ALG14: variants seen among roughly 807,000 people sequenced by gnomAD.
ALG14 encodes UDP-N-acetylglucosamine transferase subunit ALG14.
A neutral mutation model predicts 22.8 loss-of-function variants in ALG14; 17 were observed. The observed-to-expected ratio is 0.75, with a 90% confidence interval of 0.51 to 1.12. The LOEUF is 1.12. Ranked by LOEUF, ALG14 falls within the 50% of genes most tolerant of loss-of-function variation. The pLI, the probability that ALG14 is intolerant of heterozygous loss-of-function variation, is 0.00. For synonymous variants in ALG14, 89 were observed against 103.7 expected (o/e 0.86, Z 0.86); for missense variants, 288 against 271.8 (o/e 1.06, Z -0.42).
chr1:94,986,165 C>T (rs1672634219), intron 3 of ALG14, among the ~76,000 whole-genome samples: 1 of 152,192 alleles, frequency 6.6e-6, no homozygotes, highest in African/African-American at 2.4e-5. Flanking sequence ...ACTCTTCATA[C>T]TTCCATTTCT....
intron 2 of ALG14, among the ~76,000 whole-genome samples, chr1:95,049,287 C>T (rs996498123): frequency 7.9e-5 from 12 of 152,044 alleles, no homozygotes; most frequent in Non-Finnish European, 1.0e-4. Flanking sequence ...AATCCCAGCA[C>T]GTTGGGAGGT....
At chr1:95,029,211 G>T (rs1331368328) in intron 2 of ALG14, among the ~76,000 whole-genome samples, 2 of 150,582 alleles carry the variant, frequency 1.3e-5, no homozygotes, top group African/African-American at 4.9e-5. Flanking sequence ...CTCACTCAAT[G>T]GCTGGCCATT....
intron 2 of ALG14, among the ~76,000 whole-genome samples, chr1:95,035,124 T>C (rs1471010424): frequency 1.3e-5 from 2 of 152,262 alleles, no homozygotes; most frequent in East Asian, 3.8e-4. Flanking sequence ...GCTGTCCTGC[T>C]ATTGCTCCTA....
intron 3 of ALG14, among the ~76,000 whole-genome samples, chr1:95,004,383 G>A (rs1397788306): frequency 6.6e-6 from 1 of 151,782 alleles, no homozygotes; most frequent in African/African-American, 2.4e-5. Context: ...CACCATACCT[G>A]GCTAATTTTC....
intron 3 of ALG14, among the ~76,000 whole-genome samples, chr1:95,019,672 T>A (rs907419831): frequency 6.6e-6 from 1 of 152,166 alleles, no homozygotes; most frequent in Non-Finnish European, 1.5e-5. Flanking sequence ...TCAAATTGCA[T>A]GCTAACAGGT....
chr1:95,064,748 G>A (rs1675295427), intron 2 of ALG14, 118 bp downstream of exon 2: 1 of 792,708 alleles, frequency 1.3e-6, no homozygotes, highest in South Asian at 3.3e-5. Context: ...TTCATCACCA[G>A]CAAACATTTG....
chr1:95,063,354 T>C (rs1026910099), intron 2 of ALG14, among the ~76,000 whole-genome samples: 1 of 152,236 alleles, frequency 6.6e-6, no homozygotes, highest in Non-Finnish European at 1.5e-5. Context: ...ATTTTCATCA[T>C]AAAATCTTTG....
At chr1:95,031,551 C>T (rs1188922379) in intron 2 of ALG14, among the ~76,000 whole-genome samples, 1 of 152,124 alleles carries the variant, frequency 6.6e-6, no homozygotes, top group Non-Finnish European at 1.5e-5. Context: ...AAAGACTGCT[C>T]TATAAATCCA....
intron 2 of ALG14, among the ~76,000 whole-genome samples, chr1:95,041,177 G>T (rs1047349140): frequency 1.3e-5 from 2 of 151,758 alleles, no homozygotes; most frequent in East Asian, 1.9e-4. Context: ...CATTTAGACC[G>T]GCCTCCTTTC....
chr1:94,994,591 C>T (rs1295802199), intron 3 of ALG14, among the ~76,000 whole-genome samples: 2 of 152,108 alleles, frequency 1.3e-5, no homozygotes, highest in African/African-American at 4.8e-5. Flanking sequence ...AGCTATGGTA[C>T]AGAGAAATTA....
intron 2 of ALG14, among the ~76,000 whole-genome samples, chr1:95,049,416 T>A (rs1181840893): frequency 6.6e-6 from 1 of 152,012 alleles, no homozygotes; most frequent in African/African-American, 2.4e-5. Flanking sequence ...GCACCTGTAG[T>A]CCCAGCTACT....
Position 94,983,140 on chromosome 1 carries a change from A to G in ALG14, c.587T>C (p.Ile196Thr). The G allele has an allele frequency of 6.2e-7, 1 of 1,614,160 alleles. No individual in the cohort carries two copies. Among genetic ancestry groups the G allele is most frequent in the Non-Finnish European group, 8.5e-7 (1 of 1,180,030 alleles). The stretch of plus-strand genomic sequence containing the variant: ...TTCTTTCAGAGCCGGCCACTGAACA[A>G]TGAAGTAATCTGAGAGATGAAACAG... Reference protein sequence around the residue: ...KILFHLSDYFIVQWPALKEKY... With the variant: ...KILFHLSDYFTVQWPALKEKY... Residue 196 changes from isoleucine (I) to threonine (T), a missense_variant, in exon 4 of 4, where the codon ATT becomes ACT. Physicochemically the swap from Ile to Thr is moderately conservative, Grantham distance 89 (BLOSUM62 -1). Transcript: ENST00000370205.
At chr1:95,063,441 C>A (rs1193020995) in intron 2 of ALG14, among the ~76,000 whole-genome samples, 3 of 152,146 alleles carry the variant, frequency 2.0e-5, no homozygotes, top group Non-Finnish European at 1.5e-5. Context: ...ACATTTATGT[C>A]TTTAATCCAC....
chr1:95,067,672 C>A (rs1344038437), intron 1 of ALG14: 1 of 152,184 alleles, frequency 6.6e-6, no homozygotes, highest in Non-Finnish European at 1.5e-5. Context: ...TACTCCCCTG[C>A]TCCAGGCCAC....
At chr1:95,001,719 C>T (rs1294047858) in intron 3 of ALG14, among the ~76,000 whole-genome samples, 3 of 152,184 alleles carry the variant, frequency 2.0e-5, no homozygotes, top group Admixed American at 2.0e-4. Context: ...TGATCTCGAA[C>T]TCCTGACCTC....
At chr1:95,037,230 G>T (rs1480070715) in intron 2 of ALG14, among the ~76,000 whole-genome samples, 2 of 152,106 alleles carry the variant, frequency 1.3e-5, no homozygotes, top group Non-Finnish European at 2.9e-5. Flanking sequence ...CGGACGGTTT[G>T]GTGGTATTTG....
At position 94,983,096 on chromosome 1, in the gene ALG14, A is replaced by G. The variant is rs1297021384; in HGVS notation, c.631T>C (p.Tyr211His). Residue 211 changes from tyrosine to histidine, a missense_variant, in exon 4 of 4, where the codon TAC becomes CAC. Physicochemically the swap from Tyr to His is moderately conservative, Grantham distance 83 (BLOSUM62 2). Transcript: ENST00000370205. ...ALKEKYPKSVYLGRIV is the reference protein window; with the variant it reads ...ALKEKYPKSVHLGRIV The stretch of plus-strand genomic sequence containing the variant: ...ATTTGTCAAACAATTCGCCCAAGGT[A>G]CACCGATTTGGGATACTTTTCTTTC... The G allele has an allele frequency of 1.2e-6, 2 of 1,614,010 alleles. No individual in the cohort carries two copies. Among genetic ancestry groups the G allele is most frequent in the African/African-American group, 1.3e-5 (1 of 74,930 alleles).
chr1:95,025,587 TG>T (rs1256114551), intron 3 of ALG14, among the ~76,000 whole-genome samples: 2 of 152,250 alleles, frequency 1.3e-5, no homozygotes, highest in East Asian at 3.8e-4. Flanking sequence ...GAAAACATGT[TG>T]ATTAGTGTAG....
rs535974654 is a variant in ALG14, at chr1:95,014,874, T to C, written c.420+12255A>G. ...AAGAAATAAAAAGTAATTCAATGAATAGCATTTTGTTTAAGAATTAAGTGA... is the reference window on the plus strand; with the variant it reads ...AAGAAATAAAAAGTAATTCAATGAACAGCATTTTGTTTAAGAATTAAGTGA... On this transcript the variant is annotated intron_variant, in intron 3 of 3. Transcript: ENST00000370205. 2.0e-5 allele frequency among the ~76,000 whole-genome samples: 3 copies of C among 152,298 alleles called. No homozygotes were observed. In the South Asian group the frequency reaches 6.2e-4, roughly 32 times the overall value.
Sources: gnomAD v4.1 joint callset for allele counts (sites outside exome capture counted in the v4.1 genomes callset) on GRCh38, gnomAD v4.1.1 for gene constraint, MANE v1.5 for transcripts, NCBI Gene and HGNC (gene_info 2026-07-23, HGNC 2026-07-21) for gene names.